The following ERBB4 variants were observed in gnomAD, a reference collection of about 807,000 sequenced individuals.
ERBB4 encodes the protein receptor tyrosine-protein kinase erbB-4.
ERBB4 carries 42 observed loss-of-function variants against 158.0 expected under a neutral mutation model. That is an observed-to-expected ratio of 0.27 (90% confidence interval 0.21 to 0.34). The LOEUF is 0.34. ERBB4 is among the 10% of genes least tolerant of loss of function. ERBB4 has a pLI of 1.00. For synonymous variants in ERBB4, 583 were observed against 558.7 expected, an observed-to-expected ratio of 1.04 and a Z score of -0.61; for missense variants, 1,333 against 1,624.1, an observed-to-expected ratio of 0.82 and a Z score of 3.08.
chr2:211,482,968 T>C lies in ERBB4; in HGVS notation c.2488-51868A>G, dbSNP rs73069161. 5.5e-3 allele frequency among the ~76,000 whole-genome samples: 842 copies of C among 151,918 alleles called. 10 individuals are homozygous for C. Among genetic ancestry groups the C allele is most frequent in the African/African-American group, 0.019 (776 of 41,450 alleles). ...ACTTACCCAGAAATGATACAAATAA[T>C]ATTACTAGTAGACAAAGACATTAAA... On this transcript the variant is annotated intron_variant, in intron 20 of 27. Transcript: ENST00000342788.
intron 2 of ERBB4, among the ~76,000 whole-genome samples, chr2:211,980,655 A>G (rs529370191): frequency 6.6e-6 from 1 of 152,290 alleles, no homozygotes; most frequent in South Asian, 2.1e-4. Context: ...CAGATATAGC[A>G]AGACACCTCC....
At chr2:212,304,557 C>T (rs1277829465) in intron 1 of ERBB4, among the ~76,000 whole-genome samples, 1 of 151,414 alleles carries the variant, frequency 6.6e-6, no homozygotes, top group Non-Finnish European at 1.5e-5. Flanking sequence ...GCCACCCCCA[C>T]AGAAATTGCC....
intron 1 of ERBB4, among the ~76,000 whole-genome samples, chr2:212,245,980 G>T (rs751131453): frequency 4.6e-5 from 7 of 152,128 alleles, no homozygotes; most frequent in Non-Finnish European, 1.0e-4. Context: ...TAGGCATCCT[G>T]AGTCAACAGG....
rs755854720 is a variant in ERBB4 at position 211,665,402 on chromosome 2, G to T, written c.1792C>A (p.Gln598Lys). 34 of 1,613,940 alleles carry T rather than the reference G, an allele frequency of 2.1e-5. No individual in the cohort carries two copies. The highest frequency in any genetic ancestry group is 2.6e-5 in the Non-Finnish European group (31 of 1,180,020). The change falls in exon 15 of 28, where the codon CAG becomes AAG. Residue 598 changes from glutamine (Q) to lysine (K), a missense_variant. Around this residue, in one of 5 missense-constraint regions of ERBB4, gnomAD observed 245 missense variants for 247.5 expected, o/e 0.99. Transcript: ENST00000342788. ...TTGAAAATGAAACTGTTTGCCCCCT[G>T]TAAGCCATCTGGACATTTTTCCACA... The part of the protein sequence containing the change: ...NCVEKCPDGL[Q>K]GANSFIFKYA...
intron 4 of ERBB4, among the ~76,000 whole-genome samples, chr2:211,760,238 T>G (rs1270042325): frequency 6.6e-6 from 1 of 152,202 alleles, no homozygotes; most frequent in Non-Finnish European, 1.5e-5. Flanking sequence ...GACTGGCACA[T>G]GTATCAGAAC....
intron 4 of ERBB4, among the ~76,000 whole-genome samples, chr2:211,775,894 T>A (rs1478874699): frequency 6.6e-6 from 1 of 152,212 alleles, no homozygotes; most frequent in African/African-American, 2.4e-5. Flanking sequence ...TGTATACTTA[T>A]GCTTAATCTA....
At chr2:212,117,408 A>T (rs2079603674) in intron 2 of ERBB4, among the ~76,000 whole-genome samples, 2 of 152,178 alleles carry the variant, frequency 1.3e-5, no homozygotes, top group African/African-American at 4.8e-5. Flanking sequence ...AGGTATTTCA[A>T]TGTTGATCTT....
intron 1 of ERBB4, among the ~76,000 whole-genome samples, chr2:212,461,411 T>C (rs970831378): frequency 3.3e-5 from 5 of 152,160 alleles, no homozygotes; most frequent in African/African-American, 1.2e-4. Context: ...TTTTGGAGCT[T>C]TGTCTGCCCC....
At chr2:211,412,400 C>G (rs2063281213) in intron 25 of ERBB4, among the ~76,000 whole-genome samples, 1 of 152,172 alleles carries the variant, frequency 6.6e-6, no homozygotes. Flanking sequence ...AAAATGATTT[C>G]TATTCCAAGC....
At chr2:212,303,337 T>C (rs1244801342) in intron 1 of ERBB4, among the ~76,000 whole-genome samples, 1 of 144,464 alleles carries the variant, frequency 6.9e-6, no homozygotes, top group Non-Finnish European at 1.5e-5. Context: ...TATTTGATTA[T>C]ACCCTCTGCT....
In ERBB4 at chr2:212,296,956, G is replaced by A. The variant is rs143540967; in HGVS notation, c.83-172053C>T. Among the ~76,000 whole-genome samples, 622 of 151,982 alleles carry A rather than the reference G, an allele frequency of 4.1e-3. 9 individuals are homozygous for A. The highest frequency in any genetic ancestry group is 0.02 in the Admixed American group (304 of 15,218). ...ACTGGTCAGCCTGAAGGGTGGTAAT[G>A]ACTCACCAACGCTACTAATCCTTCT... is the stretch of plus-strand genomic sequence containing the variant. On this transcript the variant is annotated intron_variant, in intron 1 of 27. Transcript: ENST00000342788.
At chr2:212,320,988 A>T (rs1350494582) in intron 1 of ERBB4, among the ~76,000 whole-genome samples, 1 of 150,230 alleles carries the variant, frequency 6.7e-6, no homozygotes. Context: ...TAAAACACAG[A>T]TATGAAAAGC....
chr2:211,407,888 C>T (rs756934604), intron 25 of ERBB4, among the ~76,000 whole-genome samples: 7 of 152,230 alleles, frequency 4.6e-5, no homozygotes, highest in Non-Finnish European at 1.0e-4. Context: ...GCTGATGAGC[C>T]GGCCCACCCC....
At chr2:212,382,975 T>C (rs1453885347) in intron 1 of ERBB4, among the ~76,000 whole-genome samples, 1 of 151,270 alleles carries the variant, frequency 6.6e-6, no homozygotes, top group Non-Finnish European at 1.5e-5. Context: ...GTGGCATTTT[T>C]TTTTCTACCT....
Position 211,630,922 on chromosome 2 carries a change from G to A in ERBB4, c.1947-328C>T, listed in dbSNP as rs111436516. On this transcript the variant is annotated intron_variant, in intron 16 of 27. Transcript: ENST00000342788. ...CATATGCCAAGACATTGGTGTTGGC[G>A]CATTTAATATTTTTCTATTATATAT... Among the ~76,000 whole-genome samples, 630 of 152,140 alleles carry A rather than the reference G, an allele frequency of 4.1e-3. 6 individuals are homozygous for A. The highest frequency in any genetic ancestry group is 0.014 in the African/African-American group (572 of 41,498).
chr2:211,832,078 T>C (rs1202666081), intron 3 of ERBB4, among the ~76,000 whole-genome samples: 1 of 152,198 alleles, frequency 6.6e-6, no homozygotes, highest in African/African-American at 2.4e-5. Flanking sequence ...CTGTCTGTAC[T>C]TGAAAGTAAA....
chr2:211,943,201 T>C (rs1377500287), intron 3 of ERBB4, among the ~76,000 whole-genome samples: 1 of 151,990 alleles, frequency 6.6e-6, no homozygotes, highest in Non-Finnish European at 1.5e-5. Flanking sequence ...AGGGAGAAAA[T>C]AATAGTGGGT....
At chr2:211,972,004 T>C (rs779505689) in intron 2 of ERBB4, among the ~76,000 whole-genome samples, 12 of 152,198 alleles carry the variant, frequency 7.9e-5, no homozygotes, top group Non-Finnish European at 1.5e-5. Flanking sequence ...TGATTCTATA[T>C]CTAGAAAACC....
chr2:211,890,374 T>A (rs374299487), intron 3 of ERBB4, among the ~76,000 whole-genome samples: 1 of 145,684 alleles, frequency 6.9e-6, no homozygotes, highest in East Asian at 2.0e-4. Flanking sequence ...TTGTCACCAC[T>A]AGGCCTGCCC....
Sources: allele counts gnomAD v4.1 joint callset (sites outside exome capture counted in the v4.1 genomes callset), GRCh38; gene constraint gnomAD v4.1.1; regional missense constraint gnomAD v4.1.1; transcripts MANE v1.5; gene names NCBI Gene and HGNC (gene_info 2026-07-23, HGNC 2026-07-21).